RYR2: variants seen among roughly 807,000 people sequenced by gnomAD.
RYR2 encodes ryanodine receptor 2.
Under a neutral mutation model 601.1 loss-of-function variants are expected in RYR2, and 227 were observed. The observed-to-expected ratio is 0.38, with a 90% CI of 0.34 to 0.42. The LOEUF (loss-of-function observed/expected upper bound fraction) is 0.42, where lower values mean the gene tolerates loss of function less well. Ranked by LOEUF, RYR2 falls within the 10% of genes least tolerant of loss-of-function variation. The pLI is 1.00. For missense variants in RYR2, 4,646 were observed against 6,156.5 expected (o/e 0.75, Z 8.21); for synonymous variants, 2,223 against 2,175.1 (o/e 1.02, Z -0.61).
At chr1:237,144,121 T>C (rs1056066194) in intron 1 of RYR2, among the ~76,000 whole-genome samples, 3 of 151,272 alleles carry the variant, frequency 2.0e-5, no homozygotes, top group Non-Finnish European at 4.4e-5. Flanking sequence ...AAAGTGAGAC[T>C]CTGTCTCAAA....
intron 29 of RYR2, among the ~76,000 whole-genome samples, chr1:237,570,102 C>T (rs1016667815): frequency 6.6e-6 from 1 of 151,464 alleles, no homozygotes; most frequent in Admixed American, 6.6e-5. Flanking sequence ...CCTGTAATCC[C>T]AGCTATTTGA....
At chr1:237,458,253 C>T (rs562134400) in intron 16 of RYR2, among the ~76,000 whole-genome samples, 7 of 152,148 alleles carry the variant, frequency 4.6e-5, no homozygotes, top group Admixed American at 2.0e-4. Context: ...CATAGTGAAA[C>T]CCTGTCTCTA....
intron 17 of RYR2, among the ~76,000 whole-genome samples, chr1:237,482,485 C>T (rs1479284025): frequency 8.2e-6 from 1 of 121,414 alleles, no homozygotes; most frequent in Non-Finnish European, 1.6e-5. Flanking sequence ...GCTTATTTCA[C>T]TTACATACTC....
At chr1:237,677,946 G>T in intron 60 of RYR2, 102 bp from the exon 61 acceptor site, 1 of 729,298 alleles carries the variant, frequency 1.4e-6, no homozygotes, top group Non-Finnish European at 2.4e-6. Context: ...TCAGTTTAGC[G>T]GGATAATACA....
intron 71 of RYR2, among the ~76,000 whole-genome samples, chr1:237,714,247 A>T (rs1689074849): frequency 6.6e-6 from 1 of 152,234 alleles, no homozygotes. Context: ...GATTATAGGC[A>T]TGCAACAAAT....
At chr1:237,175,505 T>C (rs1368891068) in intron 1 of RYR2, among the ~76,000 whole-genome samples, 1 of 152,190 alleles carries the variant, frequency 6.6e-6, no homozygotes, top group Non-Finnish European at 1.5e-5. Flanking sequence ...TACCTACCTA[T>C]ATGCTCATAC....
chr1:237,095,116 C>T (rs1053246491), intron 1 of RYR2, among the ~76,000 whole-genome samples: 2 of 152,194 alleles, frequency 1.3e-5, no homozygotes, highest in East Asian at 3.8e-4. Flanking sequence ...TAAGACCATA[C>T]ATATGGTGAG....
At chr1:237,312,991 C>T (rs1694723610) in intron 2 of RYR2, among the ~76,000 whole-genome samples, 1 of 152,034 alleles carries the variant, frequency 6.6e-6, no homozygotes, top group Admixed American at 6.6e-5. Flanking sequence ...TATTGACTCA[C>T]AAAGTTTTAA....
rs756121980 is a variant in RYR2, at chr1:237,628,019, C to G, written c.6379C>G (p.Arg2127Gly). Residue 2127 changes from arginine to glycine, a missense_variant, in exon 41 of 105, where the codon CGG becomes GGG. By Grantham distance (125) the Arg-to-Gly change is moderately radical. Around this residue, in one of 17 missense-constraint regions of RYR2, gnomAD observed 137 missense variants for 273.6 expected, o/e 0.50. Coordinates refer to ENST00000366574, the MANE Select transcript of RYR2 (RefSeq NM_001035.3). ...CCTGCTGGCATCCCTTGGTCAGATT[C>G]GGTCCCTGCTGAGTGTGAGAATGGG... Reference protein sequence around the residue: ...INLLASLGQIRSLLSVRMGKE... With the variant: ...INLLASLGQIGSLLSVRMGKE... 1 of 1,613,872 alleles carries G rather than the reference C, an allele frequency of 6.2e-7. No individual in the cohort carries two copies. The highest frequency in any genetic ancestry group is 8.5e-7 in the Non-Finnish European group (1 of 1,179,868).
At chr1:237,320,978 T>TA (rs397738496) in intron 2 of RYR2, among the ~76,000 whole-genome samples, 8 of 151,286 alleles carry the variant, frequency 5.3e-5, no homozygotes, top group East Asian at 1.9e-4. Context: ...TTTTTTTTTT[T>TA]AAATCAATCA....
chr1:237,387,283 C>A lies in RYR2; in HGVS notation c.579C>A (p.His193Gln). 6.2e-7 allele frequency: 1 copy of A among 1,613,980 alleles called. No individual in the cohort carries two copies. Among genetic ancestry groups the A allele is most frequent in the Non-Finnish European group, 8.5e-7 (1 of 1,179,862 alleles). The stretch of plus-strand genomic sequence containing the variant: ...CCTCCTTTTGCCTCTTGATACAGCA[C>A]TTGTCTTATGGCAACGGCAGCTTAC... ...LVSVSSERYL[H>Q]LSYGNGSLHV... The change falls in exon 9 of 105, where the codon CAC becomes CAA. Residue 193 changes from histidine (H) to glutamine (Q), a missense_variant and splice_region_variant. His to Gln is a conservative substitution (Grantham distance 24). Transcript: ENST00000366574.
intron 63 of RYR2, among the ~76,000 whole-genome samples, chr1:237,693,129 G>A (rs947662611): frequency 1.3e-5 from 2 of 151,874 alleles, no homozygotes; most frequent in African/African-American, 4.8e-5. Context: ...GAATGACACA[G>A]CTTTCCTTTG....
chr1:237,782,772 C>T (rs1695228856), intron 89 of RYR2, among the ~76,000 whole-genome samples: 1 of 152,182 alleles, frequency 6.6e-6, no homozygotes, highest in African/African-American at 2.4e-5. Context: ...ACAAGTTTAT[C>T]AGTTCAATGG....
chr1:237,318,215 TA>T (rs956060154), intron 2 of RYR2, among the ~76,000 whole-genome samples: 1 of 152,132 alleles, frequency 6.6e-6, no homozygotes, highest in Non-Finnish European at 1.5e-5. Context: ...TTAATTCCAG[TA>T]AAAGATAGAA....
rs115757373 is a variant in RYR2 at position 237,603,416 on chromosome 1, C to T, written c.4683+1305C>T. On this transcript the variant is annotated intron_variant, in intron 35 of 104. Transcript: ENST00000366574. ...ACTCTGATTGTTTATTCACTGACCC[C>T]GTGAGGTGGCCCCAAGGGGCTCTTG... is the stretch of plus-strand genomic sequence containing the variant. Among the ~76,000 whole-genome samples the T allele has an allele frequency of 6.0e-3, 915 of 152,244 alleles. 8 individuals are homozygous for T. Among genetic ancestry groups the T allele is most frequent in the African/African-American group, 0.021 (882 of 41,544 alleles).
chr1:237,649,559 C>T (rs1406947316), intron 49 of RYR2, among the ~76,000 whole-genome samples: 2 of 152,146 alleles, frequency 1.3e-5, no homozygotes, highest in Non-Finnish European at 2.9e-5. Flanking sequence ...AAAATACTCA[C>T]ATCTGTGATA....
At chr1:237,708,738 C>T in intron 68 of RYR2, 120 bp from the exon 69 acceptor site, 1 of 870,062 alleles carries the variant, frequency 1.1e-6, no homozygotes, top group Non-Finnish European at 1.8e-6. Flanking sequence ...GAGCTGTACC[C>T]TTAAGGAAGT....
chr1:237,350,571 CAAAAAAAAAAAAAA>C (rs1167546068), intron 3 of RYR2, among the ~76,000 whole-genome samples: 73 of 26,946 alleles, frequency 2.7e-3, no homozygotes, highest in East Asian at 0.015. Context: ...GACTCTGTCT[CAAAAAAAAAAAAAA>C]AAAAAAAAAA....
At chr1:237,353,883 C>A (rs894994266) in intron 3 of RYR2, among the ~76,000 whole-genome samples, 1 of 152,052 alleles carries the variant, frequency 6.6e-6, no homozygotes, top group Non-Finnish European at 1.5e-5. Context: ...TTTGTAATTG[C>A]GTAAATTCTA....
Sources: allele counts gnomAD v4.1 joint callset (sites outside exome capture counted in the v4.1 genomes callset), GRCh38; gene constraint gnomAD v4.1.1; regional missense constraint gnomAD v4.1.1; transcripts MANE v1.5; gene names NCBI Gene and HGNC (gene_info 2026-07-23, HGNC 2026-07-21).